Variants in FAT4 observed in about 807,000 individuals in gnomAD.
FAT4 encodes the protein protocadherin Fat 4.
Under a neutral mutation model 303.9 loss-of-function variants are expected in FAT4, and 84 were observed. That is an observed-to-expected ratio of 0.28 (90% CI 0.23 to 0.33). The LOEUF is 0.33. Ranked by LOEUF, FAT4 falls within the 10% of genes least tolerant of loss-of-function variation. The pLI, the probability that FAT4 is intolerant of heterozygous loss-of-function variation, is 1.00. For synonymous variants in FAT4, 2,307 were observed against 2,298.8 expected (o/e 1.00, Z -0.10); for missense variants, 6,005 against 6,146.8 (o/e 0.98, Z 0.77).
intron 2 of FAT4, among the ~76,000 whole-genome samples, chr4:125,325,689 T>C (rs1731123928): frequency 2.6e-5 from 4 of 152,260 alleles, no homozygotes; most frequent in Non-Finnish European, 5.9e-5. Flanking sequence ...AAGTTGAGTC[T>C]AGATTTGATA....
At position 125,451,198 on chromosome 4, in the gene FAT4, C is replaced by T. The variant is rs771506746; in HGVS notation, c.10188C>T (p.Thr3396=). The T allele has an allele frequency of 1.5e-5, 24 of 1,613,904 alleles. No homozygotes were observed. The East Asian group carries it at 2.0e-4, about 13-fold the overall frequency. ...ADIDEVTVNV[T]VLDANDPPIF... is the part of the protein sequence containing the mutation. ...TAGATGAGGTCACTGTAAATGTCACCGTGCTTGATGCAAATGACCCACCCA... is the reference window on the plus strand; with the variant it reads ...TAGATGAGGTCACTGTAAATGTCACTGTGCTTGATGCAAATGACCCACCCA... Residue 3396 remains threonine, a synonymous_variant, in exon 10 of 18, where the codon ACC becomes ACT. Coordinates refer to ENST00000394329, the MANE Select transcript of FAT4 (RefSeq NM_001291303.3).
intron 3 of FAT4, among the ~76,000 whole-genome samples, chr4:125,402,295 A>AC (rs1276268968): frequency 6.6e-5 from 10 of 151,930 alleles, no homozygotes; most frequent in African/African-American, 2.4e-4. Context: ...ATTTCCAAGT[A>AC]CTTACTATTT....
At chr4:125,462,904 T>C (rs900055477) in intron 10 of FAT4, among the ~76,000 whole-genome samples, 3 of 152,038 alleles carry the variant, frequency 2.0e-5, no homozygotes, top group African/African-American at 7.2e-5. Flanking sequence ...TCAATATTAG[T>C]TGATTCAATT....
intron 17 of FAT4, among the ~76,000 whole-genome samples, chr4:125,488,523 G>T (rs532208075): frequency 2.0e-4 from 31 of 152,236 alleles, no homozygotes; most frequent in African/African-American, 7.2e-4. Context: ...AAATGGATAG[G>T]CAAGAAATAT....
chr4:125,430,907 A>T (rs1338006849), intron 7 of FAT4, among the ~76,000 whole-genome samples: 2 of 152,186 alleles, frequency 1.3e-5, no homozygotes, highest in East Asian at 3.9e-4. Flanking sequence ...GTGCTTTGAA[A>T]ATCATCTGGA....
intron 4 of FAT4, among the ~76,000 whole-genome samples, chr4:125,407,660 G>A (rs572631389): frequency 6.6e-6 from 1 of 152,046 alleles, no homozygotes; most frequent in Non-Finnish European, 1.5e-5. Context: ...CTAACACAGG[G>A]CTTGGGTATT....
chr4:125,433,265 G>T (rs1457958882), intron 7 of FAT4, among the ~76,000 whole-genome samples: 3 of 152,126 alleles, frequency 2.0e-5, no homozygotes, highest in Non-Finnish European at 4.4e-5. Flanking sequence ...AAGTTAAGTA[G>T]AATTTAAATG....
At chr4:125,422,011 T>C (rs1724918515) in intron 7 of FAT4, among the ~76,000 whole-genome samples, 1 of 152,198 alleles carries the variant, frequency 6.6e-6, no homozygotes, top group African/African-American at 2.4e-5. Flanking sequence ...TTTACTTTAT[T>C]CATTTCACTT....
At position 125,445,483 on chromosome 4, in the gene FAT4, A is replaced by G. The variant is rs561473251; in HGVS notation, c.7200-810A>G. ...AAAACTTTTAAAGATATCTATTTCC[A>G]TGCTATCTTTCAACTTTAAAAATTA... On this transcript the variant is annotated intron_variant, in intron 8 of 17. Transcript: ENST00000394329. Among the ~76,000 whole-genome samples, 33 of 152,262 alleles carry G rather than the reference A, an allele frequency of 2.2e-4. No homozygotes were observed. The South Asian group carries it at 6.4e-3, about 30-fold the overall frequency.
intron 2 of FAT4, among the ~76,000 whole-genome samples, chr4:125,335,278 C>G (rs1481712078): frequency 2.0e-5 from 3 of 151,724 alleles, no homozygotes; most frequent in African/African-American, 7.3e-5. Flanking sequence ...GCTCAGCAAC[C>G]AAGAGAAAAT....
intron 10 of FAT4, among the ~76,000 whole-genome samples, chr4:125,458,240 T>G (rs973471168): frequency 6.6e-6 from 1 of 151,996 alleles, no homozygotes; most frequent in Non-Finnish European, 1.5e-5. Flanking sequence ...AAAGATGAGG[T>G]TTGTTCATTC....
At chr4:125,472,752 GA>G (rs1304838880) in intron 12 of FAT4, among the ~76,000 whole-genome samples, 1 of 152,102 alleles carries the variant, frequency 6.6e-6, no homozygotes, top group African/African-American at 2.4e-5. Context: ...TTATGAGGGG[GA>G]AAAAGAATAA....
At chr4:125,364,893 T>G (rs1016374948) in intron 2 of FAT4, among the ~76,000 whole-genome samples, 1 of 152,152 alleles carries the variant, frequency 6.6e-6, no homozygotes, top group Non-Finnish European at 1.5e-5. Context: ...TTGTGTTTCA[T>G]AAAAAGCTTT....
At chr4:125,329,839 A>C (rs1489706841) in intron 2 of FAT4, among the ~76,000 whole-genome samples, 1 of 152,148 alleles carries the variant, frequency 6.6e-6, no homozygotes, top group African/African-American at 2.4e-5. Context: ...CAGGTCAAAA[A>C]TCTTAGCGTT....
At chr4:125,396,809 T>A (rs1249337861) in intron 2 of FAT4, among the ~76,000 whole-genome samples, 1 of 151,916 alleles carries the variant, frequency 6.6e-6, no homozygotes, top group Non-Finnish European at 1.5e-5. Context: ...TTATTTGTTA[T>A]TTTTTCTTGT....
At chr4:125,438,300 C>T (rs940787974) in intron 8 of FAT4, among the ~76,000 whole-genome samples, 14 of 151,972 alleles carry the variant, frequency 9.2e-5, no homozygotes, top group African/African-American at 3.1e-4. Flanking sequence ...TTTTCTAGTG[C>T]ATGTTAAAGA....
chr4:125,415,917 C>A, intron 6 of FAT4, 111 bp downstream of exon 6: 1 of 801,372 alleles, frequency 1.2e-6, no homozygotes, highest in Non-Finnish European at 1.9e-6. Flanking sequence ...CATTCTCATC[C>A]ATAAATGCTC....
At chr4:125,375,890 T>C (rs1047377355) in intron 2 of FAT4, among the ~76,000 whole-genome samples, 2 of 152,334 alleles carry the variant, frequency 1.3e-5, no homozygotes, top group East Asian at 1.9e-4. Context: ...CCTGACATTA[T>C]GCAAAACTGC....
Position 125,415,628 on chromosome 4 carries a change from C to G in FAT4, c.6665C>G (p.Thr2222Ser), listed in dbSNP as rs1163197653. The change falls in exon 6 of 18, where the codon ACC becomes AGC. Residue 2222 changes from threonine to serine, a missense_variant. Physicochemically the swap from Thr to Ser is moderately conservative, Grantham distance 58. Coordinates refer to ENST00000394329, the MANE Select transcript of FAT4 (RefSeq NM_001291303.3). Reference protein sequence around the residue: ...TVAKPLDREKTPTYHLTVQAT... With the variant: ...TVAKPLDREKSPTYHLTVQAT... ...GCTAAACCTTTGGATAGAGAAAAGA[C>G]CCCTACCTACCATTTAACTGTTCAG... The G allele has an allele frequency of 5.0e-6, 8 of 1,613,874 alleles. No individual in the cohort carries two copies. Among genetic ancestry groups the G allele is most frequent in the Admixed American group, 3.3e-5 (2 of 59,962 alleles).
Sources: allele counts gnomAD v4.1 joint callset (sites outside exome capture counted in the v4.1 genomes callset), GRCh38; gene constraint gnomAD v4.1.1; transcripts MANE v1.5; gene names NCBI Gene and HGNC (gene_info 2026-07-23, HGNC 2026-07-21).